The following ENOX1 variants were observed in gnomAD, a reference collection of about 807,000 sequenced individuals.
ENOX1 encodes candidate growth-related and time keeping constitutive hydroquinone (NADH) oxidase.
In ENOX1, 42 loss-of-function variants were observed where a neutral mutation model predicts 82.5. The ratio of observed to expected loss-of-function variants is 0.51; its 90% CI spans 0.40 to 0.66. The LOEUF (loss-of-function observed/expected upper bound fraction) is 0.66, where lower values mean the gene tolerates loss of function less well. ENOX1 is among the 30% of genes least tolerant of loss of function. The pLI is 0.00. For missense variants in ENOX1, 608 were observed against 811.6 expected (o/e 0.75, Z 3.05); for synonymous variants, 271 against 282.2 (o/e 0.96, Z 0.40).
intron 15 of ENOX1, among the ~76,000 whole-genome samples, chr13:43,227,414 A>C (rs1416535507): frequency 2.0e-5 from 3 of 152,256 alleles, no homozygotes; most frequent in African/African-American, 7.2e-5. Flanking sequence ...CCAGAACTGG[A>C]AATCTCCAGT....
chr13:43,465,047 G>GAT (rs755594238), intron 3 of ENOX1, among the ~76,000 whole-genome samples: 128 of 152,314 alleles, frequency 8.4e-4, no homozygotes, highest in Non-Finnish European at 1.6e-3. Flanking sequence ...GCAGGCAAAT[G>GAT]ACATCAGCCT....
At position 43,766,628 on chromosome 13, in the gene ENOX1, T is replaced by C. The variant is rs76310342; in HGVS notation, c.-285+20024A>G. Among the ~76,000 whole-genome samples, 28 of 152,336 alleles carry C rather than the reference T, an allele frequency of 1.8e-4. No homozygotes were observed. In the East Asian group the frequency reaches 5.4e-3, roughly 29 times the overall value. On this transcript the variant is annotated intron_variant, in intron 1 of 16. Transcript: ENST00000690772. Reference sequence around the variant, plus strand: ...GGAACGGTTATGAGCTTGTATTTCATGATTATTTTAAGGTGACAAATAATT... The same window carrying C: ...GGAACGGTTATGAGCTTGTATTTCACGATTATTTTAAGGTGACAAATAATT...
At chr13:43,700,918 C>G (rs1053700771) in intron 1 of ENOX1, among the ~76,000 whole-genome samples, 1 of 152,134 alleles carries the variant, frequency 6.6e-6, no homozygotes, top group Non-Finnish European at 1.5e-5. Flanking sequence ...TGTCCACAAT[C>G]TATTCTTGCA....
chr13:43,767,905 C>G (rs537207896), intron 1 of ENOX1, among the ~76,000 whole-genome samples: 63 of 152,294 alleles, frequency 4.1e-4, no homozygotes, highest in Non-Finnish European at 7.8e-4. Context: ...TCCAGCTCCA[C>G]CTGGCACTCA....
At chr13:43,742,981 T>C (rs952235588) in intron 1 of ENOX1, among the ~76,000 whole-genome samples, 12 of 152,190 alleles carry the variant, frequency 7.9e-5, no homozygotes, top group South Asian at 2.1e-4. Flanking sequence ...TTCTGTTTCA[T>C]TGAAAATCTA....
intron 1 of ENOX1, among the ~76,000 whole-genome samples, chr13:43,747,198 TA>T (rs745381184): frequency 6.6e-6 from 1 of 152,142 alleles, no homozygotes; most frequent in Non-Finnish European, 1.5e-5. Context: ...GAGATTCAAG[TA>T]ACAAACAACT....
At chr13:43,584,044 C>T (rs2080868560) in intron 2 of ENOX1, among the ~76,000 whole-genome samples, 1 of 152,166 alleles carries the variant, frequency 6.6e-6, no homozygotes, top group Admixed American at 6.5e-5. Flanking sequence ...TGGGCACTAG[C>T]CATGCCTGCC....
chr13:43,686,904 G>A (rs987538617), intron 1 of ENOX1, among the ~76,000 whole-genome samples: 1 of 152,104 alleles, frequency 6.6e-6, no homozygotes, highest in South Asian at 2.1e-4. Flanking sequence ...CAGCCCCAAA[G>A]AAAGGTAGAA....
intron 2 of ENOX1, among the ~76,000 whole-genome samples, chr13:43,625,488 T>C (rs1000624480): frequency 2.6e-5 from 4 of 151,990 alleles, no homozygotes; most frequent in Non-Finnish European, 5.9e-5. Flanking sequence ...TTTTGTAGAC[T>C]GTCATATATC....
intron 2 of ENOX1, among the ~76,000 whole-genome samples, chr13:43,649,663 A>G (rs2084063032): frequency 6.6e-6 from 1 of 152,196 alleles, no homozygotes; most frequent in African/African-American, 2.4e-5. Flanking sequence ...TCCCTGACAT[A>G]GCATCAATCC....
At chr13:43,456,103 C>T (rs2057215749) in intron 3 of ENOX1, among the ~76,000 whole-genome samples, 1 of 151,850 alleles carries the variant, frequency 6.6e-6, no homozygotes, top group African/African-American at 2.4e-5. Flanking sequence ...CTAATTGTTC[C>T]TGTTCTATAG....
chr13:43,420,094 T>C (rs1246930649), intron 3 of ENOX1, among the ~76,000 whole-genome samples: 1 of 152,204 alleles, frequency 6.6e-6, no homozygotes, highest in African/African-American at 2.4e-5. Flanking sequence ...AAAGATACAT[T>C]TCCTTCCAAA....
chr13:43,636,594 T>C (rs1423924864), intron 2 of ENOX1, among the ~76,000 whole-genome samples: 1 of 152,222 alleles, frequency 6.6e-6, no homozygotes, highest in African/African-American at 2.4e-5. Flanking sequence ...TTTCAATTAT[T>C]CAACAAATCT....
intron 1 of ENOX1, among the ~76,000 whole-genome samples, chr13:43,708,089 G>A (rs907580994): frequency 6.6e-6 from 1 of 152,166 alleles, no homozygotes; most frequent in Non-Finnish European, 1.5e-5. Flanking sequence ...GATGATCAGC[G>A]GCTTCCTAAT....
chr13:43,344,557 T>C lies in ENOX1; in HGVS notation c.1017A>G (p.Leu339=), dbSNP rs2049262349. The C allele has an allele frequency of 6.2e-7, 1 of 1,614,028 alleles. No homozygotes were observed. Among genetic ancestry groups the C allele is most frequent in the Admixed American group, 1.7e-5 (1 of 60,008 alleles). ...EEAKENFKNA[L]TGILTQFEQI... ...ACTTACATTGAGTGAGAATCCCAGT[T>C]AAGGCATTTTTAAAATTCTCCTTGG... is the stretch of plus-strand genomic sequence containing the variant. Residue 339 remains leucine (L), a synonymous_variant, in exon 9 of 17, where the codon TTA becomes TTG. Coordinates refer to ENST00000690772, the MANE Select transcript of ENOX1 (RefSeq NM_001347969.2).
intron 16 of ENOX1, among the ~76,000 whole-genome samples, chr13:43,220,846 T>C (rs1455605742): frequency 6.6e-6 from 1 of 152,194 alleles, no homozygotes; most frequent in Non-Finnish European, 1.5e-5. Context: ...TTAAGGATCA[T>C]TCAGGTGGGC....
intron 12 of ENOX1, among the ~76,000 whole-genome samples, chr13:43,283,518 C>T (rs1353123512): frequency 6.6e-6 from 1 of 152,090 alleles, no homozygotes; most frequent in Non-Finnish European, 1.5e-5. Context: ...AATCATGGCT[C>T]ACTACAGCTT....
chr13:43,333,539 T>C (rs1247054735), intron 9 of ENOX1, among the ~76,000 whole-genome samples: 3 of 152,244 alleles, frequency 2.0e-5, no homozygotes, highest in Admixed American at 2.0e-4. Context: ...TCTTTTCTTC[T>C]TTGTGACCCT....
intron 2 of ENOX1, among the ~76,000 whole-genome samples, chr13:43,619,587 C>G (rs1244277476): frequency 5.3e-5 from 8 of 152,020 alleles, no homozygotes; most frequent in Non-Finnish European, 1.0e-4. Context: ...ATCCCTGCAT[C>G]CCTGGTATGA....
Sources: allele counts gnomAD v4.1 joint callset (sites outside exome capture counted in the v4.1 genomes callset), GRCh38; gene constraint gnomAD v4.1.1; transcripts MANE v1.5; gene names NCBI Gene and HGNC (gene_info 2026-07-23, HGNC 2026-07-21).